The following SLC44A5 variants were observed in gnomAD, a reference collection of about 807,000 sequenced individuals.
The protein encoded by SLC44A5 is choline transporter-like protein 5.
Under a neutral mutation model 101.8 loss-of-function variants are expected in SLC44A5, and 57 were observed. The observed-to-expected ratio is 0.56, with a 90% CI of 0.45 to 0.70. SLC44A5 has a LOEUF of 0.70. Among genes scored for constraint, SLC44A5 ranks in the 30% least tolerant of loss-of-function variants. The pLI is 0.00. For synonymous variants in SLC44A5, 281 were observed against 290.9 expected (o/e 0.97, Z 0.35); for missense variants, 737 against 853.1 (o/e 0.86, Z 1.70).
At chr1:75,580,265 T>G (rs1286258011) in intron 1 of SLC44A5, among the ~76,000 whole-genome samples, 1 of 152,108 alleles carries the variant, frequency 6.6e-6, no homozygotes, top group Non-Finnish European at 1.5e-5. Context: ...AAACTTTAAG[T>G]TGTAGGATTT....
chr1:75,480,405 C>A (rs1667763102), intron 2 of SLC44A5, among the ~76,000 whole-genome samples: 1 of 152,082 alleles, frequency 6.6e-6, no homozygotes, highest in African/African-American at 2.4e-5. Flanking sequence ...CTGGCCAGGG[C>A]AATTAGGCAG....
chr1:75,677,947 TGGGAA>T, the SLC44A5 span: 1 of 215,398 alleles, frequency 4.6e-6, no homozygotes, highest in South Asian at 5.0e-5. Flanking sequence ...TTGCCTCACT[TGGGAA>T]GTGCAAGGGG....
chr1:75,659,526 C>A, the SLC44A5 span, among the ~76,000 whole-genome samples: 21,334 of 107,482 alleles, frequency 0.2, 2,523 homozygotes, highest in Middle Eastern at 0.29. Flanking sequence ...GGCAGGCAGG[C>A]AGGGAAAACT....
At chr1:75,497,555 C>T (rs1668741163) in intron 2 of SLC44A5, among the ~76,000 whole-genome samples, 1 of 151,912 alleles carries the variant, frequency 6.6e-6, no homozygotes, top group Non-Finnish European at 1.5e-5. Flanking sequence ...TTGTAGAGAT[C>T]TAATGTACAG....
intron 3 of SLC44A5, among the ~76,000 whole-genome samples, chr1:75,390,089 T>C (rs919708404): frequency 6.6e-6 from 1 of 151,412 alleles, no homozygotes; most frequent in Admixed American, 6.6e-5. Flanking sequence ...AAATTCATAG[T>C]CTCCCAAGAT....
At position 75,259,143 on chromosome 1, in the gene SLC44A5, C is replaced by T. The variant is rs143066173; in HGVS notation, c.261-7849G>A. 9.1e-3 allele frequency among the ~76,000 whole-genome samples: 1,392 copies of T among 152,188 alleles called. 42 individuals are homozygous for T. The highest frequency in any genetic ancestry group is 0.032 in the African/African-American group (1,320 of 41,498). On this transcript the variant is annotated intron_variant, in intron 6 of 23. Transcript: ENST00000370859. ...TCTCCTGCAAAGGATCACAACTCCT[C>T]GCCAGCAAGGCAACAAAACTGGACA...
intron 2 of SLC44A5, among the ~76,000 whole-genome samples, chr1:75,486,133 A>G (rs961261181): frequency 2.0e-5 from 3 of 152,228 alleles, no homozygotes; most frequent in African/African-American, 7.2e-5. Flanking sequence ...ATATGACAAC[A>G]TTTTCAAATA....
At chr1:75,233,187 T>A (rs902483296) in intron 12 of SLC44A5, among the ~76,000 whole-genome samples, 1 of 152,180 alleles carries the variant, frequency 6.6e-6, no homozygotes, top group African/African-American at 2.4e-5. Context: ...AGTTTGTGAT[T>A]AGATTTCAAC....
intron 1 of SLC44A5, among the ~76,000 whole-genome samples, chr1:75,589,244 T>A (rs2102100788): frequency 6.6e-6 from 1 of 152,344 alleles, no homozygotes; most frequent in South Asian, 2.1e-4. Context: ...AAGCCAGATC[T>A]GAATTTTCAT....
intron 2 of SLC44A5, among the ~76,000 whole-genome samples, chr1:75,406,367 C>G (rs1421066691): frequency 6.6e-6 from 1 of 152,114 alleles, no homozygotes; most frequent in Non-Finnish European, 1.5e-5. Context: ...TTTTATGAGA[C>G]CAGCATCATC....
rs142183901 is a variant in SLC44A5, at chr1:75,305,069, G to T, written c.102-4384C>A. Among the ~76,000 whole-genome samples, 406 of 152,296 alleles carry T rather than the reference G, an allele frequency of 2.7e-3. 1 individual carries two copies. Among genetic ancestry groups the T allele is most frequent in the Non-Finnish European group, 4.8e-3 (324 of 68,018 alleles). ...CTTATATCTATTTTCCAAATTAAAA[G>T]AATAAGAATAGGATTCCAATTACAT... On this transcript the variant is annotated intron_variant, in intron 4 of 23. Transcript: ENST00000370859.
chr1:75,650,660 A>C, the SLC44A5 span, among the ~76,000 whole-genome samples: 31 of 152,176 alleles, frequency 2.0e-4, no homozygotes, highest in Non-Finnish European at 4.4e-5. Flanking sequence ...CCTCAGACAA[A>C]TCTTCAGGCT....
intron 2 of SLC44A5, chr1:75,521,520 G>C (rs934162270): frequency 6.6e-6 from 1 of 152,136 alleles, no homozygotes; most frequent in Non-Finnish European, 1.5e-5. Flanking sequence ...AAAAACCATA[G>C]AGTACTACAA....
At chr1:75,230,687 G>A (rs559030072) in intron 12 of SLC44A5, among the ~76,000 whole-genome samples, 1 of 152,052 alleles carries the variant, frequency 6.6e-6, no homozygotes, top group East Asian at 1.9e-4. Flanking sequence ...CATGATCTCG[G>A]TTCACTGCAA....
intron 2 of SLC44A5, among the ~76,000 whole-genome samples, chr1:75,497,350 G>T (rs945006007): frequency 6.6e-6 from 1 of 152,000 alleles, no homozygotes; most frequent in Non-Finnish European, 1.5e-5. Flanking sequence ...AAATGAAGTT[G>T]GAGGACATCA....
At chr1:75,314,804 A>G (rs2100930082) in intron 4 of SLC44A5, among the ~76,000 whole-genome samples, 1 of 152,292 alleles carries the variant, frequency 6.6e-6, no homozygotes, top group South Asian at 2.1e-4. Flanking sequence ...CAGCAAATTA[A>G]TATGATTGCT....
intron 2 of SLC44A5, among the ~76,000 whole-genome samples, chr1:75,405,805 G>A (rs1662812676): frequency 1.4e-5 from 2 of 139,638 alleles, no homozygotes; most frequent in Non-Finnish European, 3.1e-5. Context: ...AACTAGAGAA[G>A]CAAGAGCAAA....
At chr1:75,579,635 T>C (rs1397322447) in intron 1 of SLC44A5, among the ~76,000 whole-genome samples, 2 of 152,126 alleles carry the variant, frequency 1.3e-5, no homozygotes, top group South Asian at 4.1e-4. Flanking sequence ...TTCCTACTAA[T>C]TACACCTCTT....
intron 5 of SLC44A5, among the ~76,000 whole-genome samples, chr1:75,285,055 T>A (rs1652926858): frequency 6.6e-6 from 1 of 152,020 alleles, no homozygotes; most frequent in Non-Finnish European, 1.5e-5. Context: ...CTCTTTATCT[T>A]TTGGAATAGT....
Sources: allele counts gnomAD v4.1 joint callset (sites outside exome capture counted in the v4.1 genomes callset), GRCh38; gene constraint gnomAD v4.1.1; transcripts MANE v1.5; gene names NCBI Gene and HGNC (gene_info 2026-07-23, HGNC 2026-07-21).